Variants in RGL1 observed in about 807,000 individuals in gnomAD.
RGL1 encodes the protein ral guanine nucleotide dissociation stimulator-like 1.
Under a neutral mutation model 95.2 loss-of-function variants are expected in RGL1, and 24 were observed. The ratio of observed to expected loss-of-function variants is 0.25; its 90% CI spans 0.18 to 0.35. The LOEUF is 0.35. RGL1 is among the 10% of genes least tolerant of loss of function. RGL1 has a pLI of 1.00. For missense variants in RGL1, 715 were observed against 936.3 expected (o/e 0.76, Z 3.08); for synonymous variants, 329 against 344.9 (o/e 0.95, Z 0.51).
In RGL1 at chr1:183,760,592, AAC is replaced by A. The variant is rs144956657; in HGVS notation, c.132+18305_132+18306del. On this transcript the variant is annotated intron_variant, in intron 2 of 18. Transcript: ENST00000304685. ...GCAAAAAAAAAAAAAAAAAAAAAAAAACAAACCTGGGTGTGGTGGTGTGTGCA... is the reference window on the plus strand; with the variant it reads ...GCAAAAAAAAAAAAAAAAAAAAAAAAAAACCTGGGTGTGGTGGTGTGTGCA... Among the ~76,000 whole-genome samples, 260 of 124,130 alleles carry A rather than the reference AAC, an allele frequency of 2.1e-3. 14 individuals carry two copies. The highest frequency in any genetic ancestry group is 0.016 in the East Asian group (56 of 3,472). The allele number at this position is 124,130 out of a possible 152,430, so 81.4% of individuals were successfully genotyped here.
intron 7 of RGL1, among the ~76,000 whole-genome samples, chr1:183,887,796 T>C (rs1366684486): frequency 1.3e-5 from 2 of 152,242 alleles, no homozygotes; most frequent in African/African-American, 4.8e-5. Flanking sequence ...TTTCCTGTTC[T>C]CTTTCTATTT....
chr1:183,776,268 C>T (rs994977776), intron 2 of RGL1, among the ~76,000 whole-genome samples: 3 of 150,904 alleles, frequency 2.0e-5, no homozygotes, highest in Admixed American at 1.3e-4. Context: ...CCTGCCTCAG[C>T]CTCCCGAGTA....
intron 1 of RGL1, among the ~76,000 whole-genome samples, chr1:183,662,335 C>T (rs1651699806): frequency 6.6e-6 from 1 of 151,640 alleles, no homozygotes; most frequent in African/African-American, 2.4e-5. Flanking sequence ...CCAAAATCTC[C>T]TTAAGCTGAT....
At chr1:183,780,134 G>C (rs897239385) in intron 2 of RGL1, among the ~76,000 whole-genome samples, 6 of 152,132 alleles carry the variant, frequency 3.9e-5, no homozygotes, top group African/African-American at 1.4e-4. Context: ...TAATGTGCTG[G>C]GTGACTTGAT....
intron 1 of RGL1, among the ~76,000 whole-genome samples, chr1:183,723,915 GA>G (rs1271191722): frequency 6.6e-6 from 1 of 152,064 alleles, no homozygotes; most frequent in Non-Finnish European, 1.5e-5. Flanking sequence ...TCTGCTTGAA[GA>G]AAGGAGAGGG....
intron 2 of RGL1, among the ~76,000 whole-genome samples, chr1:183,820,136 AT>A (rs1301489831): frequency 6.6e-6 from 1 of 152,102 alleles, no homozygotes; most frequent in Non-Finnish European, 1.5e-5. Flanking sequence ...ATCATCTATA[AT>A]TCTGCCATGA....
At chr1:183,671,169 C>T (rs981643496) in intron 1 of RGL1, among the ~76,000 whole-genome samples, 2 of 152,106 alleles carry the variant, frequency 1.3e-5, no homozygotes, top group African/African-American at 4.8e-5. Context: ...CAAAACTGCC[C>T]CCATGATTCA....
At chr1:183,792,618 AG>A (rs1171864111) in intron 2 of RGL1, among the ~76,000 whole-genome samples, 1 of 152,186 alleles carries the variant, frequency 6.6e-6, no homozygotes, top group Non-Finnish European at 1.5e-5. Flanking sequence ...GTAAAGTTTC[AG>A]GATACAAAAT....
rs74495050 is a variant in RGL1, at chr1:183,877,516, G to C, written c.426-3100G>C. ...CAAAGCTACTGTGAGCCTTGGGCAT[G>C]TGTCCAGGCCTTTCCAGAAAGCTTC... On this transcript the variant is annotated intron_variant, in intron 4 of 17. Transcript: ENST00000360851. Among the ~76,000 whole-genome samples, 1,380 of 152,342 alleles carry C rather than the reference G, an allele frequency of 9.1e-3. 30 individuals are homozygous for C. The highest frequency in any genetic ancestry group is 0.031 in the African/African-American group (1,301 of 41,572).
At chr1:183,662,758 A>G (rs867092442) in intron 1 of RGL1, among the ~76,000 whole-genome samples, 10,450 of 152,228 alleles carry the variant, frequency 0.069, 623 homozygotes, top group African/African-American at 0.16. Flanking sequence ...TGCCAAGTCA[A>G]TCCTAAGCCA....
intron 2 of RGL1, among the ~76,000 whole-genome samples, chr1:183,840,832 C>G (rs1225624022): frequency 2.0e-5 from 3 of 152,138 alleles, no homozygotes; most frequent in Non-Finnish European, 4.4e-5. Flanking sequence ...GTTGAGGCTG[C>G]ATTGAACCCT....
intron 1 of RGL1, among the ~76,000 whole-genome samples, chr1:183,735,792 T>G (rs1277267949): frequency 6.6e-6 from 1 of 152,230 alleles, no homozygotes; most frequent in African/African-American, 2.4e-5. Context: ...CCTTCTGATG[T>G]CTGTCTGTGC....
At chr1:183,799,908 T>C (rs1309994429) in intron 2 of RGL1, among the ~76,000 whole-genome samples, 2 of 152,158 alleles carry the variant, frequency 1.3e-5, no homozygotes, top group East Asian at 3.8e-4. Context: ...GGTGTGAAAG[T>C]AGAGAGAGGA....
At chr1:183,746,630 T>G (rs1657649221) in intron 2 of RGL1, among the ~76,000 whole-genome samples, 1 of 151,564 alleles carries the variant, frequency 6.6e-6, no homozygotes, top group Admixed American at 6.6e-5. Flanking sequence ...GTATTTTTTT[T>G]TTTTTTTTAG....
At chr1:183,915,595 C>CA (rs1668912102) in intron 15 of RGL1, among the ~76,000 whole-genome samples, 1 of 152,214 alleles carries the variant, frequency 6.6e-6, no homozygotes, top group Non-Finnish European at 1.5e-5. Context: ...TTCCCTTGAG[C>CA]AAGTCACTTT....
upstream of RGL1, chr1:183,805,093 TGCTCGCTC>T (rs968913629): frequency 2.0e-6 from 1 of 488,302 alleles, no homozygotes; most frequent in African/African-American, 2.1e-5. Flanking sequence ...GCTCCTCGCT[TGCTCGCTC>T]GCTCGCCGCG....
chr1:183,750,400 T>C (rs1034534285), intron 2 of RGL1, among the ~76,000 whole-genome samples: 8 of 152,252 alleles, frequency 5.3e-5, no homozygotes, highest in Admixed American at 5.2e-4. Context: ...GCTGTGTTTT[T>C]CAGCTCTATC....
chr1:183,764,259 T>C (rs905395413), intron 2 of RGL1, among the ~76,000 whole-genome samples: 5 of 152,298 alleles, frequency 3.3e-5, no homozygotes, highest in Non-Finnish European at 5.9e-5. Context: ...CAGTCTCAAA[T>C]CTGTCTCCTC....
At position 183,874,448 on chromosome 1, in the gene RGL1, T is replaced by G. The variant is rs1666366524; in HGVS notation, c.426-6168T>G. On this transcript the variant is annotated intron_variant, in intron 4 of 17. Coordinates refer to ENST00000360851, the MANE Select transcript of RGL1 (RefSeq NM_001297671.3). ...TACTCCGGGCCCTCTCCCACTCACATTTACTGTCTTTCTGTATGTCTTCCT... is the reference window on the plus strand; with the variant it reads ...TACTCCGGGCCCTCTCCCACTCACAGTTACTGTCTTTCTGTATGTCTTCCT... 4.6e-5 allele frequency among the ~76,000 whole-genome samples: 7 copies of G among 152,282 alleles called. No homozygotes were observed. In the South Asian group the frequency reaches 1.5e-3, roughly 32 times the overall value.
Sources: gnomAD v4.1 joint callset for allele counts (sites outside exome capture counted in the v4.1 genomes callset) on GRCh38, gnomAD v4.1.1 for gene constraint, MANE v1.5 for transcripts, NCBI Gene and HGNC (gene_info 2026-07-23, HGNC 2026-07-21) for gene names.